The following PHEX variants were observed in gnomAD, a reference collection of about 807,000 sequenced individuals.
PHEX encodes phosphate-regulating neutral endopeptidase PHEX.
In PHEX, 16 loss-of-function variants were observed where a neutral mutation model predicts 68.0. The observed-to-expected ratio is 0.24, with a 90% confidence interval of 0.16 to 0.36. The LOEUF (loss-of-function observed/expected upper bound fraction) is 0.36. Among genes scored for constraint, PHEX ranks in the 10% least tolerant of loss-of-function variants. The pLI, the probability that PHEX is intolerant of heterozygous loss-of-function variation, is 1.00. For missense variants in PHEX, 480 were observed against 575.5 expected, an observed-to-expected ratio of 0.83 and a Z score of 1.70; for synonymous variants, 208 against 205.1, an observed-to-expected ratio of 1.01 and a Z score of -0.12.
At chrX:22,110,242 C>G (rs1045640025) in intron 9 of PHEX, among the ~76,000 whole-genome samples, 2 of 111,980 alleles carry the variant, frequency 1.8e-5, no homozygotes, top group South Asian at 7.5e-4. Context: ...TTGATGTAAA[C>G]AAGAGTTAAG....
chrX:22,209,950 A>T (rs1391852610), intron 15 of PHEX, among the ~76,000 whole-genome samples: 4 of 108,234 alleles, frequency 3.7e-5, no homozygotes, highest in African/African-American at 6.9e-5. Flanking sequence ...TAAAAAAAAA[A>T]AAAAATAAAT....
rs1936361749 is a variant in PHEX at position 22,245,382 on chromosome X, T to C, written c.2120T>C (p.Ile707Thr). Residue 707 changes from isoleucine (I) to threonine (T), a missense_variant, in exon 21 of 22, where the codon ATT becomes ACT. Transcript: ENST00000379374. ...RPEAAREQVQ[I>T]GAHSPPQFRV... ...GAAGCTGCCCGAGAACAAGTCCAAATTGGTGCTCACAGTCCCCCTCAGTTT... is the reference window on the plus strand; with the variant it reads ...GAAGCTGCCCGAGAACAAGTCCAAACTGGTGCTCACAGTCCCCCTCAGTTT... 1 of 1,207,719 alleles carries C rather than the reference T, an allele frequency of 8.3e-7. No individual in the cohort carries two copies. Among genetic ancestry groups the C allele is most frequent in the African/African-American group, 1.7e-5 (1 of 57,633 alleles).
intron 3 of PHEX, among the ~76,000 whole-genome samples, chrX:22,052,796 G>C (rs868710566): frequency 3.6e-5 from 4 of 110,309 alleles, no homozygotes; most frequent in African/African-American, 9.9e-5. Context: ...GGACTCAAAG[G>C]GGGGAGGGTG....
chrX:22,212,401 T>G (rs1401420800), intron 15 of PHEX, among the ~76,000 whole-genome samples: 2 of 111,853 alleles, frequency 1.8e-5, no homozygotes, highest in Non-Finnish European at 3.8e-5. Flanking sequence ...TTGTGCACAT[T>G]TTCTCTGCTC....
Position 22,224,113 on chromosome X carries a change from G to A in PHEX, c.1900-2330G>A, listed in dbSNP as rs777376881. On this transcript the variant is annotated intron_variant, in intron 18 of 21. Transcript: ENST00000379374. Reference sequence around the variant, plus strand: ...TTCTCCTGCCTCAGCCTCCCCAGTAGCTGCGATTACAGGTGCCAGCCACCA... The same window carrying A: ...TTCTCCTGCCTCAGCCTCCCCAGTAACTGCGATTACAGGTGCCAGCCACCA... Among the ~76,000 whole-genome samples the A allele has an allele frequency of 9.0e-5, 10 of 111,574 alleles. No homozygotes were observed. The East Asian group carries it at 2.6e-3, about 28-fold the overall frequency.
At chrX:22,148,822 T>A (rs1389262272) in intron 12 of PHEX, among the ~76,000 whole-genome samples, 1 of 112,066 alleles carries the variant, frequency 8.9e-6, no homozygotes, top group Non-Finnish European at 1.9e-5. Context: ...TTGACTGAAT[T>A]ATTTTTTTCT....
intron 16 of PHEX, among the ~76,000 whole-genome samples, chrX:22,215,713 C>A (rs1424610577): frequency 9.0e-6 from 1 of 110,912 alleles, no homozygotes; most frequent in Non-Finnish European, 1.9e-5. Context: ...CATTAACCAT[C>A]CCCACTTCTG....
chrX:22,231,640 C>T (rs747524957), intron 20 of PHEX, among the ~76,000 whole-genome samples: 8 of 111,065 alleles, frequency 7.2e-5, no homozygotes, highest in Admixed American at 9.5e-5. Context: ...TTTTTTATTG[C>T]GACTATTTGA....
chrX:22,244,295 G>T, intron 20 of PHEX, among the ~76,000 whole-genome samples: 1 of 110,716 alleles, frequency 9.0e-6, no homozygotes, highest in Non-Finnish European at 1.9e-5. Context: ...GGGGTCGGGG[G>T]CTAAGGGAGG....
At chrX:22,043,720 T>A (rs1247887661) in intron 2 of PHEX, among the ~76,000 whole-genome samples, 1 of 111,820 alleles carries the variant, frequency 8.9e-6, no homozygotes, top group African/African-American at 3.3e-5. Context: ...GAGGCTGGTA[T>A]TTAGGGAGGA....
chrX:22,188,218 G>T (rs1345415987), intron 14 of PHEX, among the ~76,000 whole-genome samples: 1 of 111,687 alleles, frequency 9.0e-6, no homozygotes, highest in Non-Finnish European at 1.9e-5. Flanking sequence ...AGACGTAAAT[G>T]AGTAATACAA....
In PHEX at chrX:22,042,904, C is replaced by T. The variant is rs575497224; in HGVS notation, c.188-4146C>T. ...GATTCTTAACCCCAAACCCAGAAAA[C>T]GATGTAACTCTCAGTTGGCAAGATG... is the stretch of plus-strand genomic sequence containing the variant. On this transcript the variant is annotated intron_variant, in intron 2 of 21. Coordinates refer to ENST00000379374, the MANE Select transcript of PHEX (RefSeq NM_000444.6). Among the ~76,000 whole-genome samples, 24 of 112,474 alleles carry T rather than the reference C, an allele frequency of 2.1e-4. No individual in the cohort carries two copies. The South Asian group carries it at 8.4e-3, about 39-fold the overall frequency.
At chrX:22,209,674 CCCTCCCTCT>C (rs1185896085) in intron 15 of PHEX, among the ~76,000 whole-genome samples, 23 of 104,973 alleles carry the variant, frequency 2.2e-4, no homozygotes, top group African/African-American at 7.4e-4. Context: ...TCCTTCCTCT[CCCTCCCTCT>C]CCTCCCTCTC....
chrX:22,115,191 C>T (rs1471527271), intron 11 of PHEX, among the ~76,000 whole-genome samples: 1 of 111,111 alleles, frequency 9.0e-6, no homozygotes, highest in East Asian at 2.8e-4. Flanking sequence ...TTTATCTGGG[C>T]GTGGTGGCAG....
At chrX:22,218,915 G>T in intron 16 of PHEX, 121 bp from the exon 17 acceptor site, 1 of 520,533 alleles carries the variant, frequency 1.9e-6, no homozygotes, top group Non-Finnish European at 3.4e-6. Context: ...ATGGTTATTC[G>T]ATTGTTATTA....
At chrX:22,152,576 G>C (rs2301318) in intron 12 of PHEX, among the ~76,000 whole-genome samples, 1 of 110,857 alleles carries the variant, frequency 9.0e-6, no homozygotes, top group Non-Finnish European at 1.9e-5. Context: ...TCTTCACTCC[G>C]TCTAAACACA....
At chrX:22,131,672 T>C (rs1190650701) in intron 11 of PHEX, among the ~76,000 whole-genome samples, 2 of 112,941 alleles carry the variant, frequency 1.8e-5, no homozygotes, top group African/African-American at 6.4e-5. Flanking sequence ...ATTTTGAGCT[T>C]CATGCTGACA....
intron 13 of PHEX, among the ~76,000 whole-genome samples, chrX:22,176,790 C>A (rs1933725493): frequency 9.0e-6 from 1 of 111,285 alleles, no homozygotes; most frequent in Admixed American, 9.6e-5. Flanking sequence ...ATACAACTTA[C>A]CTTATTCACT....
Position 22,047,138 on chromosome X carries a change from T to A in PHEX, c.276T>A (p.Asn92Lys). 1 of 1,207,777 alleles carries A rather than the reference T, an allele frequency of 8.3e-7. No individual in the cohort carries two copies. ...RFACDGWISN[N>K]PIPEDMPSYG... ...CTTGTGATGGCTGGATAAGCAATAATCCAATTCCCGAAGATATGCCAAGCT... is the reference window on the plus strand; with the variant it reads ...CTTGTGATGGCTGGATAAGCAATAAACCAATTCCCGAAGATATGCCAAGCT... The change falls in exon 3 of 22, where the codon AAT becomes AAA. Residue 92 changes from asparagine (N) to lysine (K), a missense_variant. By Grantham distance (94) the Asn-to-Lys change is moderately conservative (BLOSUM62 0). Transcript: ENST00000379374.
Sources: gnomAD v4.1 joint callset for allele counts (sites outside exome capture counted in the v4.1 genomes callset) on GRCh38, gnomAD v4.1.1 for gene constraint, MANE v1.5 for transcripts, NCBI Gene and HGNC (gene_info 2026-07-23, HGNC 2026-07-21) for gene names.